Variants in PCDHGC3 observed in about 807,000 individuals in gnomAD.
PCDHGC3 encodes the protein protocadherin gamma subfamily C, 3, also known as protocadherin gamma-C3.
A neutral mutation model predicts 59.2 loss-of-function variants in PCDHGC3; 26 were observed. The ratio of observed to expected loss-of-function variants is 0.44; its 90% CI spans 0.32 to 0.61. The LOEUF (loss-of-function observed/expected upper bound fraction) is 0.61. Ranked by LOEUF, PCDHGC3 falls within the 20% of genes least tolerant of loss-of-function variation. The pLI, the probability that PCDHGC3 is intolerant of heterozygous loss-of-function variation, is 0.05. For synonymous variants in PCDHGC3, 487 were observed against 519.7 expected, an observed-to-expected ratio of 0.94 and a Z score of 0.86; for missense variants, 1,080 against 1,221.8, an observed-to-expected ratio of 0.88 and a Z score of 1.73.
rs146358809 is a variant in PCDHGC3, at chr5:141,480,913, C to T, written c.2430+2367C>T. 4.1e-3 allele frequency among the ~76,000 whole-genome samples: 617 copies of T among 152,096 alleles called. 6 individuals are homozygous for T. Among genetic ancestry groups the T allele is most frequent in the Admixed American group, 0.011 (171 of 15,272 alleles). ...TGCAAACATTAGCTGGGCATGGTGG[C>T]GCATACCTGTAGTCCCAGCTACTCT... On this transcript the variant is annotated intron_variant, in intron 1 of 3. Transcript: ENST00000308177.
intron 3 of PCDHGC3, among the ~76,000 whole-genome samples, chr5:141,509,791 C>T (rs2099878284): frequency 6.6e-6 from 1 of 152,164 alleles, no homozygotes; most frequent in Non-Finnish European, 1.5e-5. Flanking sequence ...TCATCATCTC[C>T]TCAGCTTCAT....
At position 141,505,403 on chromosome 5, in the gene PCDHGC3, G is replaced by A; in HGVS notation, c.2500G>A (p.Gly834Ser). The A allele has an allele frequency of 6.2e-7, 1 of 1,614,186 alleles. No individual in the cohort carries two copies. The highest frequency in any genetic ancestry group is 8.5e-7 in the Non-Finnish European group (1 of 1,180,038). ...QRPGTSGSQN[G>S]DDTGTWPNNQ... ...CTACTCTCTCCCCAGCTCCCAAAAT[G>A]GCGATGACACCGGCACCTGGCCCAA... Residue 834 changes from glycine (G) to serine (S), a missense_variant, in exon 3 of 4, where the codon GGC (glycine) becomes AGC (serine). Coordinates refer to ENST00000308177, the MANE Select transcript of PCDHGC3 (RefSeq NM_002588.4).
At position 141,489,852 on chromosome 5, in the gene PCDHGC3, C is replaced by G. The variant is rs1197191101; in HGVS notation, c.2431-4955C>G. ...TAGAGCAGCAGCTGGATCGTGAAGC[C>G]CAGGCAAGACATCAGCTGGTGCTTA... On this transcript the variant is annotated intron_variant, in intron 1 of 3. Transcript: ENST00000308177. This position sits in a 1 kb window ranked among gnomAD's most constrained non-coding sequence, Gnocchi z 4.5. The G allele has an allele frequency of 6.2e-7, 1 of 1,614,034 alleles. No homozygotes were observed. Among genetic ancestry groups the G allele is most frequent in the Admixed American group, 1.7e-5 (1 of 60,004 alleles).
At position 141,491,448 on chromosome 5, in the gene PCDHGC3, A is replaced by G; in HGVS notation, c.2431-3359A>G. ...GGCAGTGCTGCAGGCGCCAGGACTC[A>G]CCCTCCCCGGACTTCTATAAGCAGT... On this transcript the variant is annotated intron_variant, in intron 1 of 3. Coordinates refer to ENST00000308177, the MANE Select transcript of PCDHGC3 (RefSeq NM_002588.4). The surrounding 1 kb of genome is among the most constrained non-coding windows in gnomAD (Gnocchi z 6.9). The G allele has an allele frequency of 6.2e-7, 1 of 1,613,792 alleles. No homozygotes were observed. The highest frequency in any genetic ancestry group is 8.5e-7 in the Non-Finnish European group (1 of 1,179,986).
In PCDHGC3 at chr5:141,477,625, C is replaced by T; in HGVS notation, c.1509C>T (p.Thr503=). ...TTCTCTTGGAGCAAGGAGCTGAAACCGGGCTAGTGGGTCGCTATTTCACAA... is the reference window on the plus strand; with the variant it reads ...TTCTCTTGGAGCAAGGAGCTGAAACTGGGCTAGTGGGTCGCTATTTCACAA... ...SFFLLEQGAE[T]GLVGRYFTIN... The change falls in exon 1 of 4, where the codon ACC becomes ACT. Residue 503 remains threonine (T), a synonymous_variant. Coordinates refer to ENST00000308177, the MANE Select transcript of PCDHGC3 (RefSeq NM_002588.4). This position sits in a 1 kb window ranked among gnomAD's most constrained non-coding sequence, Gnocchi z 4.9. The T allele has an allele frequency of 1.2e-6, 2 of 1,614,200 alleles. No homozygotes were observed. Among genetic ancestry groups the T allele is most frequent in the Non-Finnish European group, 1.7e-6 (2 of 1,180,046 alleles).
At chr5:141,480,525 A>G (rs191522157) in intron 1 of PCDHGC3, among the ~76,000 whole-genome samples, 131 of 152,310 alleles carry the variant, frequency 8.6e-4, no homozygotes, top group African/African-American at 2.6e-3. Context: ...AAAAATGACA[A>G]AGTAGAAGCA....
chr5:141,486,659 G>A lies in PCDHGC3; in HGVS notation c.2430+8113G>A, dbSNP rs758578821. The stretch of plus-strand genomic sequence containing the variant: ...TGCGCTTATCTCCTACTCACTCCTG[G>A]AGCCCAGGAATCGAGATGTATCAGC... On this transcript the variant is annotated intron_variant, in intron 1 of 3. Transcript: ENST00000308177. This position sits in a 1 kb window ranked among gnomAD's most constrained non-coding sequence, Gnocchi z 5.0. 5.0e-6 allele frequency: 8 copies of A among 1,613,944 alleles called. No homozygotes were observed. Among genetic ancestry groups the A allele is most frequent in the Middle Eastern group, 1.6e-4 (1 of 6,062 alleles).
At chr5:141,479,953 CAGTT>C (rs1198160373) in intron 1 of PCDHGC3, among the ~76,000 whole-genome samples, 1 of 152,182 alleles carries the variant, frequency 6.6e-6, no homozygotes, top group African/African-American at 2.4e-5. Flanking sequence ...TTGGATTTGG[CAGTT>C]AGTCAAATGA....
intron 1 of PCDHGC3, 129 bp downstream of exon 1, chr5:141,478,675 G>A (rs1264846161): frequency 6.4e-7 from 1 of 1,551,574 alleles, no homozygotes; most frequent in South Asian, 1.2e-5. Context: ...ACTTTCAACT[G>A]GCCCTTCCTA....
Position 141,491,898 on chromosome 5 carries a change from G to C in PCDHGC3, c.2431-2909G>C, listed in dbSNP as rs772673872. 9.0e-5 allele frequency: 129 copies of C among 1,428,816 alleles called. 1 individual carries two copies. In the Middle Eastern group the frequency reaches 2.0e-3, roughly 22 times the overall value. The allele number at this position is 1,428,816 out of a possible 1,614,324, so 88.5% of individuals were successfully genotyped here. On this transcript the variant is annotated intron_variant, in intron 1 of 3. Coordinates refer to ENST00000308177, the MANE Select transcript of PCDHGC3 (RefSeq NM_002588.4). The surrounding 1 kb of genome is among the most constrained non-coding windows in gnomAD (Gnocchi z 6.9). ...ATTAAGGGATGGGGCTCCGAGCACCGGGGGTGGTGGCGACTGTGGGCGAGG... is the reference window on the plus strand; with the variant it reads ...ATTAAGGGATGGGGCTCCGAGCACCCGGGGTGGTGGCGACTGTGGGCGAGG...
intron 2 of PCDHGC3, among the ~76,000 whole-genome samples, chr5:141,501,530 G>A (rs556760554): frequency 3.5e-4 from 53 of 151,998 alleles, no homozygotes; most frequent in Admixed American, 2.2e-3. Context: ...AGCCCAGTAC[G>A]TTGTTGTGCA....
chr5:141,489,729 C>T lies in PCDHGC3; in HGVS notation c.2431-5078C>T, dbSNP rs760195181. ...ACAGTGCCCAGGATCCGGATGTGGGCACCAATACTGTGAGCTTTTACACTC... is the reference window on the plus strand; with the variant it reads ...ACAGTGCCCAGGATCCGGATGTGGGTACCAATACTGTGAGCTTTTACACTC... On this transcript the variant is annotated intron_variant, in intron 1 of 3. Transcript: ENST00000308177. The surrounding 1 kb of genome is among the most constrained non-coding windows in gnomAD (Gnocchi z 4.5). 2.5e-6 allele frequency: 4 copies of T among 1,614,152 alleles called. No individual in the cohort carries two copies. The highest frequency in any genetic ancestry group is 2.2e-5 in the East Asian group (1 of 44,876).
Position 141,476,838 on chromosome 5 carries a change from C to T in PCDHGC3, c.722C>T (p.Ala241Val), listed in dbSNP as rs1347278637. 2.5e-6 allele frequency: 4 copies of T among 1,613,496 alleles called. No individual in the cohort carries two copies. Among genetic ancestry groups the T allele is most frequent in the Non-Finnish European group, 3.4e-6 (4 of 1,180,054 alleles). Reference protein sequence around the residue: ...HIKVLDANDNAPVFNQSLYRA... With the variant: ...HIKVLDANDNVPVFNQSLYRA... ...AAGGTGCTGGACGCGAATGACAATG[C>T]GCCTGTCTTCAACCAGTCCTTGTAC... The change falls in exon 1 of 4, where the codon GCG becomes GTG. Residue 241 changes from alanine (A) to valine (V), a missense_variant. Ala to Val is a moderately conservative substitution (Grantham distance 64, BLOSUM62 0). Transcript: ENST00000308177. This position sits in a 1 kb window ranked among gnomAD's most constrained non-coding sequence, Gnocchi z 7.6.
intron 2 of PCDHGC3, among the ~76,000 whole-genome samples, chr5:141,500,292 T>A (rs1001226545): frequency 2.0e-5 from 3 of 151,954 alleles, no homozygotes; most frequent in Non-Finnish European, 4.4e-5. Context: ...CACTGCAAGC[T>A]CCGCCTCCCA....
rs1018384314 is a variant in PCDHGC3 at position 141,490,427 on chromosome 5, A to G, written c.2431-4380A>G. On this transcript the variant is annotated intron_variant, in intron 1 of 3. Coordinates refer to ENST00000308177, the MANE Select transcript of PCDHGC3 (RefSeq NM_002588.4). This position sits in a 1 kb window ranked among gnomAD's most constrained non-coding sequence, Gnocchi z 5.4. ...GATATCTCTCCGGACCTGCCATTTCAGATTAAGCCTTCTGAGAACCACTAC... is the reference window on the plus strand; with the variant it reads ...GATATCTCTCCGGACCTGCCATTTCGGATTAAGCCTTCTGAGAACCACTAC... 6.2e-7 allele frequency: 1 copy of G among 1,614,092 alleles called. No individual in the cohort carries two copies.
chr5:141,485,431 C>G lies in PCDHGC3; in HGVS notation c.2430+6885C>G, dbSNP rs1594481071. ...ATTTGGACAGCGGAGCCCTGCTCAT[C>G]AAGAACCCAATCGACCGAGAGGCAC... On this transcript the variant is annotated intron_variant, in intron 1 of 3. Coordinates refer to ENST00000308177, the MANE Select transcript of PCDHGC3 (RefSeq NM_002588.4). The surrounding 1 kb of genome is among the most constrained non-coding windows in gnomAD (Gnocchi z 5.7). 8.7e-6 allele frequency: 14 copies of G among 1,614,198 alleles called. No homozygotes were observed. Among genetic ancestry groups the G allele is most frequent in the Non-Finnish European group, 1.1e-5 (13 of 1,180,038 alleles).
chr5:141,489,247 C>T lies in PCDHGC3; in HGVS notation c.2431-5560C>T. 6.5e-7 allele frequency: 1 copy of T among 1,546,012 alleles called. No individual in the cohort carries two copies. The highest frequency in any genetic ancestry group is 8.7e-7 in the Non-Finnish European group (1 of 1,146,298). ...ACAAAGGGACTTCTGGGTCATGGGGCCCAAGACACTCCCACAGCTCGCTGG... is the reference window on the plus strand; with the variant it reads ...ACAAAGGGACTTCTGGGTCATGGGGTCCAAGACACTCCCACAGCTCGCTGG... On this transcript the variant is annotated intron_variant, in intron 1 of 3. Coordinates refer to ENST00000308177, the MANE Select transcript of PCDHGC3 (RefSeq NM_002588.4). This position sits in a 1 kb window ranked among gnomAD's most constrained non-coding sequence, Gnocchi z 4.5.
Position 141,485,434 on chromosome 5 carries a change from G to T in PCDHGC3, c.2430+6888G>T. The stretch of plus-strand genomic sequence containing the variant: ...TGGACAGCGGAGCCCTGCTCATCAA[G>T]AACCCAATCGACCGAGAGGCACTGT... On this transcript the variant is annotated intron_variant, in intron 1 of 3. Transcript: ENST00000308177. This position sits in a 1 kb window ranked among gnomAD's most constrained non-coding sequence, Gnocchi z 5.7. The T allele has an allele frequency of 6.2e-7, 1 of 1,614,166 alleles. No homozygotes were observed. The highest frequency in any genetic ancestry group is 1.6e-4 in the Middle Eastern group (1 of 6,062).
Position 141,489,434 on chromosome 5 carries a change from A to G in PCDHGC3, c.2431-5373A>G. On this transcript the variant is annotated intron_variant, in intron 1 of 3. Transcript: ENST00000308177. This position sits in a 1 kb window ranked among gnomAD's most constrained non-coding sequence, Gnocchi z 4.5. ...ACAGATCTGTTGAGCCGGCGGCTGC[A>G]ATTGGGCTCTGAGGAGAATGGGCGC... 6.2e-7 allele frequency: 1 copy of G among 1,614,138 alleles called. No individual in the cohort carries two copies. The highest frequency in any genetic ancestry group is 8.5e-7 in the Non-Finnish European group (1 of 1,180,044).
Sources: allele counts gnomAD v4.1 joint callset (sites outside exome capture counted in the v4.1 genomes callset), GRCh38; gene constraint gnomAD v4.1.1; non-coding constraint Gnocchi (gnomAD v3.1); transcripts MANE v1.5; gene names NCBI Gene and HGNC (gene_info 2026-07-23, HGNC 2026-07-21).